Variants in NRF1 observed in about 807,000 individuals in gnomAD.
The protein encoded by NRF1 is nuclear respiratory factor 1.
A neutral mutation model predicts 58.5 loss-of-function variants in NRF1; 5 were observed. The observed-to-expected ratio is 0.09, with a 90% CI of 0.04 to 0.18. The LOEUF (loss-of-function observed/expected upper bound fraction) is 0.18. Ranked by LOEUF, NRF1 falls within the 10% of genes least tolerant of loss-of-function variation. The probability of loss-of-function intolerance (pLI) is 1.00; values close to 1 mark genes in which losing one functional copy is unlikely to be tolerated. For synonymous variants in NRF1, 224 were observed against 246.7 expected, an observed-to-expected ratio of 0.91 and a Z score of 0.86; for missense variants, 288 against 657.7, an observed-to-expected ratio of 0.44 and a Z score of 6.15.
chr7:129,645,744 A>G (rs918796737), intron 1 of NRF1, among the ~76,000 whole-genome samples: 3 of 152,196 alleles, frequency 2.0e-5, no homozygotes, highest in Admixed American at 6.5e-5. Flanking sequence ...AGTAGGTCAG[A>G]TAGACTCACA....
At chr7:129,679,517 C>A (rs537878730) in intron 4 of NRF1, among the ~76,000 whole-genome samples, 1 of 152,124 alleles carries the variant, frequency 6.6e-6, no homozygotes, top group South Asian at 2.1e-4. Context: ...GTCAGGAGTT[C>A]GAGACCAGCC....
In NRF1 at chr7:129,722,973, T is replaced by G. The variant is rs74575288; in HGVS notation, c.1224-4268T>G. 4.3e-4 allele frequency among the ~76,000 whole-genome samples: 66 copies of G among 152,362 alleles called. No homozygotes were observed. In the South Asian group the frequency reaches 5.2e-3, roughly 12 times the overall value. On this transcript the variant is annotated intron_variant, in intron 9 of 10. Transcript: ENST00000393232. ...TATAAACAATTCTCATTTACAGTTT[T>G]CTTCTTCAGACTATCACACAGCTTT...
At chr7:129,664,465 A>C (rs1431852134) in intron 2 of NRF1, among the ~76,000 whole-genome samples, 3 of 152,376 alleles carry the variant, frequency 2.0e-5, no homozygotes, top group South Asian at 4.1e-4. Flanking sequence ...ATGAACAACA[A>C]CTTTATTACT....
rs1161785795 is a variant in NRF1, at chr7:129,674,441, A to G, written c.338+2898A>G. ...AATGTACATACCGTAATTTTAAAAT[A>G]CTTTTTTTTTGGAGACAGAGTCTAG... On this transcript the variant is annotated intron_variant, in intron 3 of 10. Transcript: ENST00000393232. Among the ~76,000 whole-genome samples, 4 of 151,784 alleles carry G rather than the reference A, an allele frequency of 2.6e-5. No individual in the cohort carries two copies. The South Asian group carries it at 8.3e-4, about 31-fold the overall frequency.
At chr7:129,636,677 CT>C (rs1222479548) in intron 1 of NRF1, among the ~76,000 whole-genome samples, 1 of 152,196 alleles carries the variant, frequency 6.6e-6, no homozygotes, top group Non-Finnish European at 1.5e-5. Flanking sequence ...TTTTCTGTCT[CT>C]TTTCAGTTTC....
chr7:129,746,544 C>T (rs777743877), intron 10 of NRF1, among the ~76,000 whole-genome samples: 9 of 152,140 alleles, frequency 5.9e-5, no homozygotes, highest in Non-Finnish European at 1.2e-4. Flanking sequence ...TTTTCCAGGC[C>T]TGTAAATGGA....
rs945631879 is a variant in NRF1 at position 129,741,364 on chromosome 7, C to G, written c.1349-13654C>G. 6.6e-6 allele frequency among the ~76,000 whole-genome samples: 1 copy of G among 152,174 alleles called. No individual in the cohort carries two copies. Among genetic ancestry groups the G allele is most frequent in the Non-Finnish European group, 1.5e-5 (1 of 68,032 alleles). ...TGTCTCATTCTCCTTCCCTTTAGGTCCGCAGATCTTTCGGAGTCTTTGTAT... is the reference window on the plus strand; with the variant it reads ...TGTCTCATTCTCCTTCCCTTTAGGTGCGCAGATCTTTCGGAGTCTTTGTAT... On this transcript the variant is annotated intron_variant, in intron 10 of 10. Coordinates refer to ENST00000393232, the MANE Select transcript of NRF1 (RefSeq NM_005011.5). The surrounding 1 kb of genome is among the most constrained non-coding windows in gnomAD (Gnocchi z 4.0).
rs149313743 is a variant in NRF1, at chr7:129,660,782, G to A, written c.223+3208G>A. 6.4e-3 allele frequency among the ~76,000 whole-genome samples: 967 copies of A among 150,720 alleles called. 10 individuals are homozygous for A. Among genetic ancestry groups the A allele is most frequent in the Non-Finnish European group, 0.011 (773 of 68,014 alleles). ...TTCCAGGCAAAAGATGCAAGCTGTC[G>A]GTGGATCTACTATTCTGGGGGCTGG... On this transcript the variant is annotated intron_variant, in intron 2 of 10. Coordinates refer to ENST00000393232, the MANE Select transcript of NRF1 (RefSeq NM_005011.5).
intron 6 of NRF1, among the ~76,000 whole-genome samples, chr7:129,709,674 C>T (rs78808294): frequency 0.021 from 3,157 of 151,916 alleles, 52 homozygotes; most frequent in Non-Finnish European, 0.031. Flanking sequence ...GACTAAACTA[C>T]CTACCATTCC....
In NRF1 at chr7:129,751,475, A is replaced by G. The variant is rs143970344; in HGVS notation, c.1349-3543A>G. Among the ~76,000 whole-genome samples, 9 of 152,374 alleles carry G rather than the reference A, an allele frequency of 5.9e-5. No homozygotes were observed. In the East Asian group the frequency reaches 1.5e-3, roughly 26 times the overall value. ...TCTGGGGAAAATCTTCCGTGATACT[A>G]TGAAAACTATTTTAACAATTGGGCA... On this transcript the variant is annotated intron_variant, in intron 10 of 10. Coordinates refer to ENST00000393232, the MANE Select transcript of NRF1 (RefSeq NM_005011.5).
chr7:129,656,020 GT>G (rs1801646348), intron 1 of NRF1, among the ~76,000 whole-genome samples: 1 of 152,026 alleles, frequency 6.6e-6, no homozygotes. Flanking sequence ...GGTCACTTGG[GT>G]TGCTTCCACA....
At chr7:129,673,644 G>A (rs1397812973) in intron 3 of NRF1, among the ~76,000 whole-genome samples, 11 of 149,250 alleles carry the variant, frequency 7.4e-5, no homozygotes, top group African/African-American at 2.2e-4. Context: ...GTGAACCCGG[G>A]AGGCGGAGCT....
intron 10 of NRF1, among the ~76,000 whole-genome samples, chr7:129,749,520 G>A (rs1464861251): frequency 6.6e-6 from 1 of 151,828 alleles, no homozygotes; most frequent in Non-Finnish European, 1.5e-5. Flanking sequence ...AGAGATTTGG[G>A]TCCAACTGCT....
intron 10 of NRF1, among the ~76,000 whole-genome samples, chr7:129,742,168 C>G (rs1306500760): frequency 6.6e-6 from 1 of 151,138 alleles, no homozygotes. Flanking sequence ...TTTGCTTTGT[C>G]AGCACAATTG....
chr7:129,689,191 C>G (rs892775444), intron 4 of NRF1, among the ~76,000 whole-genome samples: 1 of 152,164 alleles, frequency 6.6e-6, no homozygotes, highest in Non-Finnish European at 1.5e-5. Flanking sequence ...GATTCTTCAA[C>G]TGCAGAAGTT....
intron 1 of NRF1, among the ~76,000 whole-genome samples, chr7:129,619,243 G>T (rs185815461): frequency 8.1e-4 from 122 of 150,934 alleles, no homozygotes; most frequent in Admixed American, 1.4e-3. Context: ...GAAGTTAGCC[G>T]TGTGAAATAC....
chr7:129,667,740 GGT>G (rs1562964937), intron 2 of NRF1, among the ~76,000 whole-genome samples: 1 of 123,868 alleles, frequency 8.1e-6, no homozygotes, highest in Non-Finnish European at 1.6e-5. Flanking sequence ...CAATTTTAAA[GGT>G]ATTTATTTAT....
chr7:129,644,321 G>C (rs1485228191), intron 1 of NRF1, among the ~76,000 whole-genome samples: 1 of 152,202 alleles, frequency 6.6e-6, no homozygotes, highest in Non-Finnish European at 1.5e-5. Flanking sequence ...ACTTTTGACT[G>C]TGAACGTCTG....
intron 1 of NRF1, among the ~76,000 whole-genome samples, chr7:129,639,048 A>G (rs1418584318): frequency 6.6e-6 from 1 of 152,140 alleles, no homozygotes. Context: ...CAATGAATTA[A>G]CTCACAAAGT....
Sources: gnomAD v4.1 joint callset for allele counts (sites outside exome capture counted in the v4.1 genomes callset) on GRCh38, gnomAD v4.1.1 for gene constraint, Gnocchi (gnomAD v3.1) non-coding constraint, MANE v1.5 for transcripts, NCBI Gene and HGNC (gene_info 2026-07-23, HGNC 2026-07-21) for gene names.